BTG4: variants seen among roughly 807,000 people sequenced by gnomAD.
BTG4 encodes protein BTG4.
A neutral mutation model predicts 19.3 loss-of-function variants in BTG4; 10 were observed. That is an observed-to-expected ratio of 0.52 (90% confidence interval 0.32 to 0.88). BTG4 has a LOEUF of 0.88. BTG4 is among the 40% of genes least tolerant of loss of function. The pLI is 0.04. For missense variants in BTG4, 238 were observed against 281.9 expected (o/e 0.84, Z 1.11); for synonymous variants, 91 against 95.7 (o/e 0.95, Z 0.29).
intron 5 of BTG4, among the ~76,000 whole-genome samples, chr11:111,484,414 A>G (rs1864926630): frequency 6.6e-6 from 1 of 152,192 alleles, no homozygotes; most frequent in Non-Finnish European, 1.5e-5. Context: ...TCTATCAAAA[A>G]TAATTACAAC....
the BTG4 span, among the ~76,000 whole-genome samples, chr11:111,420,480 T>G: frequency 1.3e-5 from 2 of 152,058 alleles, no homozygotes; most frequent in African/African-American, 4.8e-5. Flanking sequence ...CATGGTAGGG[T>G]GTGGACTCTG....
chr11:111,407,993 G>A, the BTG4 span, among the ~76,000 whole-genome samples: 1 of 152,214 alleles, frequency 6.6e-6, no homozygotes, highest in African/African-American at 2.4e-5. Flanking sequence ...AGGCCTCCAT[G>A]GCCACAGCCC....
the BTG4 span, among the ~76,000 whole-genome samples, chr11:111,446,021 G>T: frequency 7.4e-4 from 113 of 152,294 alleles, no homozygotes; most frequent in African/African-American, 2.7e-3. Flanking sequence ...AGTGCAGAGA[G>T]CTAATGGCCA....
chr11:111,431,955 T>G, the BTG4 span, among the ~76,000 whole-genome samples: 1 of 152,096 alleles, frequency 6.6e-6, no homozygotes, highest in Non-Finnish European at 1.5e-5. Context: ...GCCAGAGAAC[T>G]AAATATCAGG....
chr11:111,458,261 C>T, the BTG4 span: 3 of 152,266 alleles, frequency 2.0e-5, no homozygotes, highest in Admixed American at 6.6e-5. Flanking sequence ...TCTCAGGCCC[C>T]GATATCTCGG....
chr11:111,397,786 T>C, the BTG4 span: 1 of 152,202 alleles, frequency 6.6e-6, no homozygotes, highest in African/African-American at 2.4e-5. Flanking sequence ...AATTGAAATA[T>C]CACCACATTT....
the BTG4 span, among the ~76,000 whole-genome samples, chr11:111,437,795 C>G: frequency 1.2e-4 from 18 of 152,290 alleles, no homozygotes; most frequent in South Asian, 4.1e-4. Flanking sequence ...GCTACTCTGC[C>G]CAGTTTCTCG....
chr11:111,441,592 C>T, the BTG4 span, among the ~76,000 whole-genome samples: 4 of 152,314 alleles, frequency 2.6e-5, no homozygotes, highest in South Asian at 4.1e-4. Context: ...TATAATATAT[C>T]CATGCCTCTC....
chr11:111,484,887 C>T (rs1864963270), intron 5 of BTG4, among the ~76,000 whole-genome samples: 1 of 152,076 alleles, frequency 6.6e-6, no homozygotes, highest in African/African-American at 2.4e-5. Context: ...CTGCAAGAAA[C>T]TCATATCACC....
chr11:111,469,820 A>G (rs1863955914), intron 5 of BTG4: 1 of 152,730 alleles, frequency 6.5e-6, no homozygotes, highest in African/African-American at 2.4e-5. Context: ...AGCATTCCCT[A>G]TCACACTGAG....
the BTG4 span, among the ~76,000 whole-genome samples, chr11:111,399,720 C>T: frequency 1.5e-3 from 229 of 152,246 alleles, no homozygotes; most frequent in African/African-American, 5.2e-3. Flanking sequence ...AGAGTGAACT[C>T]CAAATTTACT....
chr11:111,466,050 G>A (rs7107447), downstream of BTG4, among the ~76,000 whole-genome samples: 3,262 of 152,122 alleles, frequency 0.021, 116 homozygotes, highest in African/African-American at 0.074. Flanking sequence ...CCATTATACT[G>A]GCCTTGTAAT....
chr11:111,392,169 C>CTTTTTTTTT, the BTG4 span, among the ~76,000 whole-genome samples: 21 of 85,450 alleles, frequency 2.5e-4, no homozygotes, highest in African/African-American at 2.8e-4. Flanking sequence ...CTGTGATTTT[C>CTTTTTTTTT]TTTTTTTTTT....
the BTG4 span, chr11:111,386,112 C>T: frequency 3.9e-5 from 6 of 152,186 alleles, no homozygotes; most frequent in East Asian, 5.8e-4. Flanking sequence ...GAGCTGTAAT[C>T]GTGCCACTGC....
At chr11:111,384,093 A>G in the BTG4 span, among the ~76,000 whole-genome samples, 6 of 152,162 alleles carry the variant, frequency 3.9e-5, no homozygotes, top group Admixed American at 2.6e-4. Flanking sequence ...ACCTTGCTGA[A>G]CTGTTTTATT....
chr11:111,465,209 A>G (rs925889036), downstream of BTG4, among the ~76,000 whole-genome samples: 2 of 152,140 alleles, frequency 1.3e-5, no homozygotes, highest in African/African-American at 4.8e-5. Context: ...AAGTAACAGA[A>G]AATGCATGTG....
chr11:111,449,570 C>G, the BTG4 span: 6 of 152,418 alleles, frequency 3.9e-5, no homozygotes, highest in Non-Finnish European at 7.3e-5. Flanking sequence ...ACCATTCCAG[C>G]CACTGGGCTC....
chr11:111,431,775 A>T, the BTG4 span, among the ~76,000 whole-genome samples: 7 of 152,272 alleles, frequency 4.6e-5, no homozygotes, highest in Non-Finnish European at 8.8e-5. Flanking sequence ...TAATTAGATG[A>T]CCTCTACGTT....
intron 5 of BTG4, among the ~76,000 whole-genome samples, chr11:111,486,741 T>C (rs372840911): frequency 3.3e-4 from 50 of 152,260 alleles, no homozygotes; most frequent in African/African-American, 1.2e-3. Context: ...GTTAAACATA[T>C]GCAAAAAATA....
Sources: allele counts gnomAD v4.1 joint callset (sites outside exome capture counted in the v4.1 genomes callset), GRCh38; gene constraint gnomAD v4.1.1; transcripts MANE v1.5; gene names NCBI Gene and HGNC (gene_info 2026-07-23, HGNC 2026-07-21).